The following ZNF729 variants were observed in gnomAD, a reference collection of about 807,000 sequenced individuals.
ZNF729 encodes zinc finger protein 729.
A neutral mutation model predicts 12.2 loss-of-function variants in ZNF729; 15 were observed. That is an observed-to-expected ratio of 1.23 (90% CI 0.82 to 1.89). The LOEUF (loss-of-function observed/expected upper bound fraction) is 1.89. ZNF729 is among the 40% of genes most tolerant of loss of function. The pLI, the probability that ZNF729 is intolerant of heterozygous loss-of-function variation, is 0.00. For missense variants in ZNF729, 1,540 were observed against 1,456.7 expected, an observed-to-expected ratio of 1.06 and a Z score of -0.93; for synonymous variants, 492 against 476.3, an observed-to-expected ratio of 1.03 and a Z score of -0.43.
rs746210383 is a variant in ZNF729 at position 22,317,076 on chromosome 19, A to G, written c.3659A>G (p.Lys1220Arg). The change falls in exon 4 of 4, where the codon AAA (lysine) becomes AGA (arginine). Residue 1220 changes from lysine to arginine, a missense_variant. Transcript: ENST00000601693. ...HTREKPTNVKKVPKLLSNPHT... is the reference protein window; with the variant it reads ...HTREKPTNVKRVPKLLSNPHT... Reference sequence around the variant, plus strand: ...AGAGAGAAACCTACAAATGTGAAGAAAGTACCAAAGCTTTTAAGCAATCCT... The same window carrying G: ...AGAGAGAAACCTACAAATGTGAAGAGAGTACCAAAGCTTTTAAGCAATCCT... 4 of 1,603,886 alleles carry G rather than the reference A, an allele frequency of 2.5e-6. No individual in the cohort carries two copies. The South Asian group carries it at 4.4e-5, about 18-fold the overall frequency.
At chr19:22,295,455 T>TTC in intron 1 of ZNF729, among the ~76,000 whole-genome samples, 1 of 150,800 alleles carries the variant, frequency 6.6e-6, no homozygotes, top group East Asian at 2.0e-4. Flanking sequence ...TGGTGCAATC[T>TTC]TCTCCGCTCA....
chr19:22,304,749 T>C lies in ZNF729; in HGVS notation c.219T>C (p.Asn73=). 1 of 1,613,394 alleles carries C rather than the reference T, an allele frequency of 6.2e-7. No individual in the cohort carries two copies. Among genetic ancestry groups the C allele is most frequent in the Non-Finnish European group, 8.5e-7 (1 of 1,179,708 alleles). Residue 73 remains asparagine (N), a synonymous_variant, in exon 3 of 4, where the codon AAT becomes AAC. Transcript: ENST00000601693. ...TGAAGCAAGGGAAAGAGCCTTGGAA[T>C]ATGAAGAGACATGAGATGGTAACTA... The part of the protein sequence containing the change: ...TCLKQGKEPW[N]MKRHEMVTKP...
At position 22,315,532 on chromosome 19, in the gene ZNF729, T is replaced by A. The variant is rs763667508; in HGVS notation, c.2115T>A (p.Ile705=). ...CAGCCCTTAGAAGACATAAGATAATTCATACTGGAGAGAAACCCTACAAAT... is the reference window on the plus strand; with the variant it reads ...CAGCCCTTAGAAGACATAAGATAATACATACTGGAGAGAAACCCTACAAAT... ...HFSALRRHKI[I]HTGEKPYKCE... The change falls in exon 4 of 4, where the codon ATT becomes ATA. Residue 705 remains isoleucine (I), a synonymous_variant. Transcript: ENST00000601693. 6.2e-7 allele frequency: 1 copy of A among 1,611,296 alleles called. No homozygotes were observed. Among genetic ancestry groups the A allele is most frequent in the Admixed American group, 1.7e-5 (1 of 59,970 alleles).
rs549177395 is a variant in ZNF729, at chr19:22,303,606, T to C, written c.31-152T>C. 1.2e-3 allele frequency among the ~76,000 whole-genome samples: 184 copies of C among 152,368 alleles called. 1 individual carries two copies. Among genetic ancestry groups the C allele is most frequent in the African/African-American group, 4.2e-3 (175 of 41,592 alleles). On this transcript the variant is annotated intron_variant, in intron 1 of 3. Coordinates refer to ENST00000601693, the MANE Select transcript of ZNF729 (RefSeq NM_001242680.2). Reference sequence around the variant, plus strand: ...TTGAGACTACATTAGATAATATTTCTGTGTTGAAAATTATTTTATTGGATA... The same window carrying C: ...TTGAGACTACATTAGATAATATTTCCGTGTTGAAAATTATTTTATTGGATA...
At chr19:22,287,848 C>T (rs1206860544) in intron 1 of ZNF729, among the ~76,000 whole-genome samples, 3 of 138,284 alleles carry the variant, frequency 2.2e-5, no homozygotes, top group Non-Finnish European at 4.7e-5. Context: ...ACTATTTGTC[C>T]TTTTTTTTTT....
intron 2 of ZNF729, 40 bp from the exon 3 acceptor site, chr19:22,304,648 A>G: frequency 6.5e-7 from 1 of 1,537,814 alleles, no homozygotes; most frequent in Non-Finnish European, 8.8e-7. Flanking sequence ...TATTTGGGTA[A>G]TATGACCAAT....
At chr19:22,300,721 A>T (rs551584000) in intron 1 of ZNF729, among the ~76,000 whole-genome samples, 2 of 152,198 alleles carry the variant, frequency 1.3e-5, no homozygotes, top group Non-Finnish European at 2.9e-5. Context: ...TGACTCTTGT[A>T]TCTTCCGAAC....
chr19:22,307,059 A>G (rs1968386940), intron 3 of ZNF729, among the ~76,000 whole-genome samples: 1 of 151,374 alleles, frequency 6.6e-6, no homozygotes, highest in Admixed American at 6.6e-5. Flanking sequence ...TCATTTTAGC[A>G]TTTCTTTTTT....
At chr19:22,311,334 G>A (rs7251483) in intron 3 of ZNF729, among the ~76,000 whole-genome samples, 51,068 of 151,924 alleles carry the variant, frequency 0.34, 10,253 homozygotes, top group Middle Eastern at 0.54. Context: ...TTGGGGCTAT[G>A]AACTTTCCTC....
chr19:22,291,708 C>T (rs1451376051), intron 1 of ZNF729, among the ~76,000 whole-genome samples: 3 of 152,124 alleles, frequency 2.0e-5, no homozygotes, highest in Non-Finnish European at 4.4e-5. Flanking sequence ...TGCCCTCTCC[C>T]CAACCCATAA....
At position 22,316,858 on chromosome 19, in the gene ZNF729, T is replaced by C. The variant is rs769866565; in HGVS notation, c.3441T>C (p.Leu1147=). The C allele has an allele frequency of 3.7e-6, 6 of 1,612,900 alleles. No homozygotes were observed. The highest frequency in any genetic ancestry group is 2.2e-5 in the East Asian group (1 of 44,842). The part of the protein sequence containing the change: ...CGKAFSQSSI[L]TKHKIIHSVE... Reference sequence around the variant, plus strand: ...AAGCCTTTAGTCAGTCCTCAATCCTTACTAAACATAAGATAATTCATTCTG... The same window carrying C: ...AAGCCTTTAGTCAGTCCTCAATCCTCACTAAACATAAGATAATTCATTCTG... Residue 1147 remains leucine (L), a synonymous_variant, in exon 4 of 4, where the codon CTT becomes CTC. Coordinates refer to ENST00000601693, the MANE Select transcript of ZNF729 (RefSeq NM_001242680.2).
At chr19:22,304,610 T>C (rs185452377) in intron 2 of ZNF729, 78 bp from the exon 3 acceptor site, 4 of 1,204,498 alleles carry the variant, frequency 3.3e-6, no homozygotes, top group Non-Finnish European at 1.2e-6. Flanking sequence ...ACTAGAATAT[T>C]CTATTACATT....
Position 22,316,159 on chromosome 19 carries a change from C to T in ZNF729, c.2742C>T (p.Gly914=). The change falls in exon 4 of 4, where the codon GGC becomes GGT. Residue 914 remains glycine (G), a synonymous_variant. Coordinates refer to ENST00000601693, the MANE Select transcript of ZNF729 (RefSeq NM_001242680.2). ...AEKPCKCEEC[G]KAFKHFSALR... is the part of the protein sequence containing the mutation. Reference sequence around the variant, plus strand: ...AACCCTGTAAATGTGAAGAATGTGGCAAAGCTTTTAAGCATTTCTCAGCCC... The same window carrying T: ...AACCCTGTAAATGTGAAGAATGTGGTAAAGCTTTTAAGCATTTCTCAGCCC... 1 of 1,579,658 alleles carries T rather than the reference C, an allele frequency of 6.3e-7. No individual in the cohort carries two copies. Among genetic ancestry groups the T allele is most frequent in the Non-Finnish European group, 8.7e-7 (1 of 1,154,420 alleles).
intron 1 of ZNF729, among the ~76,000 whole-genome samples, chr19:22,297,700 A>G (rs1968247056): frequency 6.6e-6 from 1 of 151,942 alleles, no homozygotes; most frequent in Admixed American, 6.6e-5. Flanking sequence ...TTTAGATTAA[A>G]GCTCATATTA....
rs1568571621 is a variant in ZNF729, at chr19:22,295,038, T to TGTGTGTGTG, written c.30+8483_30+8484insGTGTGTGTG. On this transcript the variant is annotated intron_variant, in intron 1 of 3. Coordinates refer to ENST00000601693, the MANE Select transcript of ZNF729 (RefSeq NM_001242680.2). ...TCTGGTTAGGTGTACTCCTAGATAT[T>TGTGTGTGTG]TGTGTGTGTGTGTGTGTGTGTGTGT... 7.1e-3 allele frequency among the ~76,000 whole-genome samples: 1,020 copies of TGTGTGTGTG among 144,108 alleles called. 10 individuals are homozygous for TGTGTGTGTG. The highest frequency in any genetic ancestry group is 0.011 in the African/African-American group (422 of 38,930). The allele number at this position is 144,108 out of a possible 152,430, so 94.5% of individuals were successfully genotyped here. A position where few individuals can be genotyped will look rare whatever the true frequency, so the allele number is the denominator to read the frequency against.
intron 3 of ZNF729, among the ~76,000 whole-genome samples, chr19:22,312,793 A>C (rs2145056951): frequency 6.6e-6 from 1 of 152,168 alleles, no homozygotes; most frequent in African/African-American, 2.4e-5. Context: ...GGCTCACCTC[A>C]ACCTCCGCCT....
intron 1 of ZNF729, among the ~76,000 whole-genome samples, chr19:22,289,371 G>A (rs568105975): frequency 6.6e-5 from 10 of 151,542 alleles, no homozygotes; most frequent in Non-Finnish European, 8.8e-5. Context: ...GACTACAGGC[G>A]CCCGCCACCA....
At chr19:22,288,028 T>C (rs1968103757) in intron 1 of ZNF729, among the ~76,000 whole-genome samples, 1 of 151,938 alleles carries the variant, frequency 6.6e-6, no homozygotes, top group Non-Finnish European at 1.5e-5. Context: ...GTATTTTTAG[T>C]AGAGACAGAG....
intron 3 of ZNF729, 84 bp downstream of exon 3, chr19:22,304,867 G>T: frequency 2.2e-6 from 3 of 1,393,614 alleles, no homozygotes; most frequent in Middle Eastern, 1.9e-4. Context: ...TGTGACCTGA[G>T]AAGCTGTGCT....
Sources: gnomAD v4.1 joint callset for allele counts (sites outside exome capture counted in the v4.1 genomes callset) on GRCh38, gnomAD v4.1.1 for gene constraint, MANE v1.5 for transcripts, NCBI Gene and HGNC (gene_info 2026-07-23, HGNC 2026-07-21) for gene names.